EPB41L4B: variants seen among roughly 807,000 people sequenced by gnomAD.
EPB41L4B encodes the protein band 4.1-like protein 4B.
Under a neutral mutation model 112.5 loss-of-function variants are expected in EPB41L4B, and 30 were observed. The ratio of observed to expected loss-of-function variants is 0.27; its 90% CI spans 0.20 to 0.36. The LOEUF is 0.36. Ranked by LOEUF, EPB41L4B falls within the 10% of genes least tolerant of loss-of-function variation. The pLI, the probability that EPB41L4B is intolerant of heterozygous loss-of-function variation, is 1.00. For synonymous variants in EPB41L4B, 408 were observed against 439.7 expected (o/e 0.93, Z 0.90); for missense variants, 1,024 against 1,133.3 (o/e 0.90, Z 1.38).
intron 22 of EPB41L4B, among the ~76,000 whole-genome samples, chr9:109,189,457 T>C (rs1245621841): frequency 2.0e-5 from 3 of 152,140 alleles, no homozygotes. Flanking sequence ...CAGGAGGTGT[T>C]AATGTAATAT....
At chr9:109,315,192 G>A (rs141091074) in intron 1 of EPB41L4B, among the ~76,000 whole-genome samples, 1 of 152,074 alleles carries the variant, frequency 6.6e-6, no homozygotes, top group Non-Finnish European at 1.5e-5. Context: ...GGTATTGCTC[G>A]CCCCATTGCT....
chr9:109,270,505 C>T (rs1233835919), intron 2 of EPB41L4B, among the ~76,000 whole-genome samples: 2 of 152,190 alleles, frequency 1.3e-5, no homozygotes, highest in Non-Finnish European at 2.9e-5. Flanking sequence ...AAGCTGAAAA[C>T]CCCCAACTTT....
chr9:109,190,520 T>A (rs986660464), intron 22 of EPB41L4B, among the ~76,000 whole-genome samples: 6 of 152,182 alleles, frequency 3.9e-5, no homozygotes, highest in Admixed American at 2.6e-4. Context: ...CATGCTCCAC[T>A]CAGCAACTCT....
intron 1 of EPB41L4B, among the ~76,000 whole-genome samples, chr9:109,296,497 G>C (rs1836734341): frequency 6.6e-6 from 1 of 152,206 alleles, no homozygotes; most frequent in Non-Finnish European, 1.5e-5. Context: ...TATATGAAAT[G>C]ATGATGAATT....
At chr9:109,211,176 C>A (rs957774889) in intron 17 of EPB41L4B, among the ~76,000 whole-genome samples, 6 of 152,048 alleles carry the variant, frequency 3.9e-5, no homozygotes, top group African/African-American at 1.4e-4. Context: ...ATCCTTGAGG[C>A]TGGAAAAAAC....
At position 109,320,969 on chromosome 9, in the gene EPB41L4B, C is replaced by T. The variant is rs1045324273; in HGVS notation, c.-523G>A. 4.2e-5 allele frequency: 7 copies of T among 168,638 alleles called. No individual in the cohort carries two copies. The highest frequency in any genetic ancestry group is 1.6e-4 in the South Asian group (1 of 6,122). The allele number at this position is 168,638 out of a possible 1,614,324, so 10.4% of individuals were successfully genotyped here. A position where few individuals can be genotyped will look rare whatever the true frequency, so the allele number is the denominator to read the frequency against. The stretch of plus-strand genomic sequence containing the variant: ...CGCTCCCAAGGCGCCTTTTCCTGCG[C>T]CCGCAGCCCCCGCCTCCCACCTGGG... On this transcript the variant is annotated 5_prime_UTR_variant, in exon 1 of 26. Transcript: ENST00000374566.
intron 15 of EPB41L4B, 125 bp from the exon 16 acceptor site, chr9:109,217,270 G>T: frequency 1.3e-6 from 1 of 775,610 alleles, no homozygotes; most frequent in Non-Finnish European, 2.1e-6. Context: ...TAGATCTGTA[G>T]TTATTATAAA....
intron 15 of EPB41L4B, among the ~76,000 whole-genome samples, chr9:109,226,924 G>A (rs1833802806): frequency 6.6e-6 from 1 of 151,452 alleles, no homozygotes; most frequent in East Asian, 1.9e-4. Context: ...TTGCAGCCTT[G>A]AATTCCTGGG....
At chr9:109,317,913 T>C (rs370304125) in intron 1 of EPB41L4B, among the ~76,000 whole-genome samples, 7 of 152,242 alleles carry the variant, frequency 4.6e-5, no homozygotes, top group Admixed American at 1.3e-4. Context: ...ATGCTACAAA[T>C]GCATTGGGGA....
At chr9:109,297,262 C>T (rs1450670811) in intron 1 of EPB41L4B, among the ~76,000 whole-genome samples, 11 of 152,224 alleles carry the variant, frequency 7.2e-5, no homozygotes, top group South Asian at 4.2e-4. Context: ...TGCCGTACCA[C>T]GATCTTGGAT....
In EPB41L4B at chr9:109,231,140, C is replaced by T. The variant is rs548461579; in HGVS notation, c.1409+12478G>A. 2.2e-4 allele frequency among the ~76,000 whole-genome samples: 30 copies of T among 137,332 alleles called. No individual in the cohort carries two copies. In the South Asian group the frequency reaches 6.8e-3, roughly 31 times the overall value. 90.1% of individuals were successfully genotyped at this position (137,332 alleles called of 152,430 possible). On this transcript the variant is annotated intron_variant, in intron 15 of 25. Coordinates refer to ENST00000374566, the MANE Select transcript of EPB41L4B (RefSeq NM_019114.5). ...TGCCATTGCACTCCAGCCTGGGTGA[C>T]GAGTGAAACTCCATCTCAAAAAAAA...
intron 7 of EPB41L4B, 121 bp from the exon 8 acceptor site, chr9:109,256,601 T>C: frequency 7.8e-6 from 6 of 766,376 alleles, no homozygotes; most frequent in South Asian, 1.7e-5. Context: ...TGCCAAATTA[T>C]AGTAATACAA....
chr9:109,208,371 T>C (rs1390647119), intron 17 of EPB41L4B, among the ~76,000 whole-genome samples: 1 of 152,152 alleles, frequency 6.6e-6, no homozygotes, highest in Non-Finnish European at 1.5e-5. Flanking sequence ...CTAACCTCAG[T>C]CCAGTGTTAT....
At chr9:109,202,689 C>T (rs1221149738) in intron 19 of EPB41L4B, among the ~76,000 whole-genome samples, 1 of 152,042 alleles carries the variant, frequency 6.6e-6, no homozygotes, top group Non-Finnish European at 1.5e-5. Context: ...GTGGTGGTGG[C>T]CTGGAAGCTT....
chr9:109,213,947 A>C, intron 16 of EPB41L4B, 129 bp from the exon 17 acceptor site: 81 of 746,302 alleles, frequency 1.1e-4, no homozygotes, highest in East Asian at 2.3e-4. Flanking sequence ...AGCAGCTCTC[A>C]TGCCTTCAGT....
At chr9:109,242,623 G>A (rs1834392089) in intron 15 of EPB41L4B, among the ~76,000 whole-genome samples, 1 of 152,020 alleles carries the variant, frequency 6.6e-6, no homozygotes, top group Non-Finnish European at 1.5e-5. Context: ...CACGCTTTGG[G>A]GTTACAAAAT....
chr9:109,185,981 C>G (rs1832250049), intron 22 of EPB41L4B, among the ~76,000 whole-genome samples: 1 of 151,992 alleles, frequency 6.6e-6, no homozygotes, highest in African/African-American at 2.4e-5. Context: ...GAAGCATTGC[C>G]CAGGCCAAGC....
chr9:109,187,502 CT>C, intron 22 of EPB41L4B, among the ~76,000 whole-genome samples: 1 of 152,062 alleles, frequency 6.6e-6, no homozygotes, highest in African/African-American at 2.4e-5. Context: ...CTGCAGTTAA[CT>C]TTTACCAGAC....
intron 15 of EPB41L4B, among the ~76,000 whole-genome samples, chr9:109,242,679 C>T (rs1369182647): frequency 1.3e-5 from 2 of 152,010 alleles, no homozygotes; most frequent in Admixed American, 1.3e-4. Flanking sequence ...GGGTTTATTT[C>T]CAGCATTTTA....
Sources: gnomAD v4.1 joint callset for allele counts (sites outside exome capture counted in the v4.1 genomes callset) on GRCh38, gnomAD v4.1.1 for gene constraint, MANE v1.5 for transcripts, NCBI Gene and HGNC (gene_info 2026-07-23, HGNC 2026-07-21) for gene names.